Variants in SGCZ observed in about 807,000 individuals in gnomAD.
SGCZ encodes sarcoglycan zeta, also known as zeta-sarcoglycan.
Under a neutral mutation model 41.3 loss-of-function variants are expected in SGCZ, and 40 were observed. The ratio of observed to expected loss-of-function variants is 0.97; its 90% CI spans 0.75 to 1.26. SGCZ has a LOEUF of 1.26. Among genes scored for constraint, SGCZ ranks in the 50% most tolerant of loss-of-function variants. The pLI, the probability that SGCZ is intolerant of heterozygous loss-of-function variation, is 0.00. For synonymous variants in SGCZ, 206 were observed against 137.5 expected (o/e 1.50, Z -3.49); for missense variants, 552 against 369.8 (o/e 1.49, Z -4.04).
intron 1 of SGCZ, among the ~76,000 whole-genome samples, chr8:14,988,906 G>A (rs1163140575): frequency 6.6e-6 from 1 of 152,092 alleles, no homozygotes; most frequent in East Asian, 1.9e-4. Context: ...TAACATTTGT[G>A]GGGAGGGGGG....
At chr8:14,262,336 A>G (rs948296321) in intron 3 of SGCZ, among the ~76,000 whole-genome samples, 50 of 152,152 alleles carry the variant, frequency 3.3e-4, no homozygotes, top group African/African-American at 9.7e-4. Context: ...TGTTTAAATA[A>G]TTCTGTACAA....
chr8:14,258,535 TATAAC>T (rs1799544262), intron 3 of SGCZ, among the ~76,000 whole-genome samples: 1 of 152,152 alleles, frequency 6.6e-6, no homozygotes, highest in Admixed American at 6.6e-5. Flanking sequence ...TATGAAGAAA[TATAAC>T]AGAAGATTTG....
intron 1 of SGCZ, among the ~76,000 whole-genome samples, chr8:15,007,814 TA>T (rs1382511342): frequency 1.3e-5 from 2 of 152,220 alleles, no homozygotes; most frequent in African/African-American, 4.8e-5. Context: ...TTATTATTGT[TA>T]TTACCTTGAG....
intron 1 of SGCZ, among the ~76,000 whole-genome samples, chr8:14,620,928 C>T (rs1806263357): frequency 6.6e-6 from 1 of 152,082 alleles, no homozygotes; most frequent in South Asian, 2.1e-4. Context: ...ACCCAGCCAT[C>T]CCATTACTGG....
intron 6 of SGCZ, among the ~76,000 whole-genome samples, chr8:14,106,751 G>T (rs752472539): frequency 3.9e-5 from 6 of 152,086 alleles, no homozygotes; most frequent in Non-Finnish European, 7.4e-5. Context: ...TGTCTCTCAG[G>T]TTGATACTAT....
intron 4 of SGCZ, among the ~76,000 whole-genome samples, chr8:14,179,974 G>A (rs1374590755): frequency 6.6e-6 from 1 of 152,162 alleles, no homozygotes. Flanking sequence ...GGGCCTCTCT[G>A]CCACAGCACT....
chr8:14,930,689 A>G (rs1377815285), intron 1 of SGCZ, among the ~76,000 whole-genome samples: 1 of 152,006 alleles, frequency 6.6e-6, no homozygotes, highest in African/African-American at 2.4e-5. Context: ...CTTTGCAGGG[A>G]CATGGATGAC....
chr8:14,636,774 A>G (rs1319182523), intron 1 of SGCZ, among the ~76,000 whole-genome samples: 1 of 151,920 alleles, frequency 6.6e-6, no homozygotes, highest in Non-Finnish European at 1.5e-5. Flanking sequence ...TGAATGAATG[A>G]CTATAAATGC....
intron 3 of SGCZ, among the ~76,000 whole-genome samples, chr8:14,310,414 G>C (rs996284978): frequency 6.6e-6 from 1 of 152,056 alleles, no homozygotes; most frequent in South Asian, 2.1e-4. Context: ...ATCTATGTTT[G>C]TGTGATTTCC....
chr8:14,303,827 C>A (rs575624316), intron 3 of SGCZ, among the ~76,000 whole-genome samples: 51 of 152,236 alleles, frequency 3.4e-4, no homozygotes, highest in African/African-American at 1.1e-3. Context: ...TCTCGGCTCA[C>A]TGCAACCTCC....
At position 15,179,909 on chromosome 8, in the gene SGCZ, C is replaced by T. The variant is rs1046238059; in HGVS notation, c.39+57676G>A. On this transcript the variant is annotated intron_variant, in intron 1 of 7. Coordinates refer to ENST00000382080, the MANE Select transcript of SGCZ (RefSeq NM_139167.4). ...GTACCACACAACAACCTGCAAGGAA[C>T]TACTTTGTGTAGGATTATGCCGGCC... Among the ~76,000 whole-genome samples the T allele has an allele frequency of 3.3e-5, 5 of 152,296 alleles. No individual in the cohort carries two copies. The East Asian group carries it at 9.6e-4, about 29-fold the overall frequency.
intron 1 of SGCZ, among the ~76,000 whole-genome samples, chr8:14,702,966 TAGATAGACAGAC>T (rs1809215670): frequency 8.1e-6 from 1 of 123,718 alleles, no homozygotes; most frequent in African/African-American, 2.7e-5. Context: ...GATAGATAGA[TAGATAGACAGAC>T]AGACAGACAG....
chr8:14,699,348 C>G (rs1809064031), intron 1 of SGCZ, among the ~76,000 whole-genome samples: 1 of 151,494 alleles, frequency 6.6e-6, no homozygotes, highest in South Asian at 2.1e-4. Context: ...AGCAAGTCAA[C>G]AATCACAAGC....
At chr8:14,260,828 T>G (rs1303328623) in intron 3 of SGCZ, among the ~76,000 whole-genome samples, 2 of 152,134 alleles carry the variant, frequency 1.3e-5, no homozygotes, top group African/African-American at 4.8e-5. Context: ...ATCATCATTC[T>G]CAGTAAACTA....
chr8:14,493,721 G>C (rs967765804), intron 2 of SGCZ, among the ~76,000 whole-genome samples: 1 of 151,928 alleles, frequency 6.6e-6, no homozygotes, highest in African/African-American at 2.4e-5. Context: ...TTGCTCTTCA[G>C]TCTTTCCCAC....
chr8:15,140,191 A>T (rs1454793231), intron 1 of SGCZ, among the ~76,000 whole-genome samples: 6 of 151,806 alleles, frequency 4.0e-5, no homozygotes, highest in Admixed American at 3.9e-4. Context: ...TGGTTGGCTA[A>T]TTTTTTACTT....
At chr8:15,234,477 G>C (rs1419641972) in intron 1 of SGCZ, among the ~76,000 whole-genome samples, 19 of 152,218 alleles carry the variant, frequency 1.2e-4, no homozygotes, top group Admixed American at 1.2e-3. Flanking sequence ...CTTTGGATGA[G>C]AACTCTCTCC....
chr8:14,479,324 A>G (rs1321508571), intron 2 of SGCZ, among the ~76,000 whole-genome samples: 1 of 152,160 alleles, frequency 6.6e-6, no homozygotes, highest in Non-Finnish European at 1.5e-5. Context: ...CGGGAGAAAA[A>G]TAGAGGCCCG....
chr8:14,967,789 G>T (rs1801168333), intron 1 of SGCZ, among the ~76,000 whole-genome samples: 1 of 152,074 alleles, frequency 6.6e-6, no homozygotes, highest in African/African-American at 2.4e-5. Flanking sequence ...GAACAAAGTA[G>T]ACATTCAAGG....
Sources: gnomAD v4.1 joint callset for allele counts (sites outside exome capture counted in the v4.1 genomes callset) on GRCh38, gnomAD v4.1.1 for gene constraint, MANE v1.5 for transcripts, NCBI Gene and HGNC (gene_info 2026-07-23, HGNC 2026-07-21) for gene names.